CNTN4: variants seen among roughly 807,000 people sequenced by gnomAD.
CNTN4 encodes contactin-4.
In CNTN4, 77 loss-of-function variants were observed where a neutral mutation model predicts 122.5. The ratio of observed to expected loss-of-function variants is 0.63; its 90% CI spans 0.52 to 0.76. The LOEUF is 0.76. Among genes scored for constraint, CNTN4 ranks in the 30% least tolerant of loss-of-function variants. The pLI is 0.00. For synonymous variants in CNTN4, 512 were observed against 447.0 expected, an observed-to-expected ratio of 1.15 and a Z score of -1.83; for missense variants, 1,256 against 1,259.1, an observed-to-expected ratio of 1.00 and a Z score of 0.04.
At chr3:2,791,942 C>T (rs2092024867) in intron 6 of CNTN4, among the ~76,000 whole-genome samples, 2 of 152,182 alleles carry the variant, frequency 1.3e-5, no homozygotes, top group South Asian at 4.1e-4. Flanking sequence ...TTAGGGCCCA[C>T]TCAGATAATC....
At chr3:2,981,782 C>T (rs7635387) in intron 13 of CNTN4, among the ~76,000 whole-genome samples, 11,883 of 152,198 alleles carry the variant, frequency 0.078, 625 homozygotes, top group Non-Finnish European at 0.11. Flanking sequence ...TGGTGGCTCA[C>T]TCCTGGCATC....
At chr3:2,618,059 C>G (rs1317098126) in intron 4 of CNTN4, among the ~76,000 whole-genome samples, 1 of 152,146 alleles carries the variant, frequency 6.6e-6, no homozygotes, top group Non-Finnish European at 1.5e-5. Flanking sequence ...TATCCACACA[C>G]TTAGGACAGT....
At chr3:2,246,201 T>A (rs2040139820) in intron 2 of CNTN4, among the ~76,000 whole-genome samples, 2 of 152,000 alleles carry the variant, frequency 1.3e-5, no homozygotes, top group South Asian at 4.1e-4. Flanking sequence ...ATTTTGGACA[T>A]TCTCATCCTG....
At chr3:2,544,755 G>T (rs541827948) in intron 3 of CNTN4, among the ~76,000 whole-genome samples, 100 of 150,466 alleles carry the variant, frequency 6.6e-4, no homozygotes, top group African/African-American at 2.3e-3. Flanking sequence ...TTGGATCTCT[G>T]CTCTTTTTTT....
chr3:2,556,511 GT>G lies in CNTN4; in HGVS notation c.-88-14898del, dbSNP rs373966088. Among the ~76,000 whole-genome samples, 99 of 152,150 alleles carry G rather than the reference GT, an allele frequency of 6.5e-4. No individual in the cohort carries two copies. In the East Asian group the frequency reaches 0.015, roughly 24 times the overall value. ...AAGCACTTAAAAGGATGTGCAGTAGGTTTTTTTATAAACAAGTAGGGTTTTT... is the reference window on the plus strand; with the variant it reads ...AAGCACTTAAAAGGATGTGCAGTAGGTTTTTTATAAACAAGTAGGGTTTTT... On this transcript the variant is annotated intron_variant, in intron 3 of 24. Coordinates refer to ENST00000418658, the MANE Select transcript of CNTN4 (RefSeq NM_175607.3).
intron 14 of CNTN4, among the ~76,000 whole-genome samples, chr3:3,012,492 C>T (rs1019767942): frequency 2.0e-5 from 3 of 151,906 alleles, no homozygotes; most frequent in African/African-American, 7.2e-5. Flanking sequence ...CACTGTTGCC[C>T]GGGCTGGAGT....
At chr3:2,695,059 A>G (rs765039493) in intron 4 of CNTN4, among the ~76,000 whole-genome samples, 17 of 152,224 alleles carry the variant, frequency 1.1e-4, no homozygotes, top group Admixed American at 1.1e-3. Context: ...TAGTCAGTGC[A>G]TCTGTTGACT....
At chr3:2,884,579 G>A (rs901126650) in intron 9 of CNTN4, among the ~76,000 whole-genome samples, 1 of 152,094 alleles carries the variant, frequency 6.6e-6, no homozygotes, top group Admixed American at 6.6e-5. Context: ...GAGAACAAAA[G>A]CAGATTGCTA....
intron 2 of CNTN4, among the ~76,000 whole-genome samples, chr3:2,153,324 T>C (rs756558156): frequency 1.5e-4 from 23 of 151,934 alleles, no homozygotes; most frequent in Non-Finnish European, 2.5e-4. Context: ...GAGCAACCCA[T>C]GAGGAGGAAG....
chr3:2,558,428 C>T (rs976447836), intron 3 of CNTN4, among the ~76,000 whole-genome samples: 1 of 152,132 alleles, frequency 6.6e-6, no homozygotes, highest in Non-Finnish European at 1.5e-5. Flanking sequence ...TTGAAAACTA[C>T]TAGTCAATCT....
In CNTN4 at chr3:3,037,287, A is replaced by G; in HGVS notation, c.2051A>G (p.Glu684Gly). 6.2e-7 allele frequency: 1 copy of G among 1,614,064 alleles called. No individual in the cohort carries two copies. The change falls in exon 18 of 25, where the codon GAG (glutamate) becomes GGG (glycine). Residue 684 changes from glutamate (E) to glycine (G), a missense_variant. Physicochemically the swap from Glu to Gly is moderately conservative, Grantham distance 98. Transcript: ENST00000418658. The part of the protein sequence containing the change: ...TVAANVIGIG[E>G]PSRPSEKRRT... ...GCAGCCAACGTGATTGGGATTGGGG[A>G]GCCCAGCCGCCCCTCAGAGAAACGG...
At chr3:2,920,889 C>T (rs1405402870) in intron 12 of CNTN4, among the ~76,000 whole-genome samples, 1 of 152,112 alleles carries the variant, frequency 6.6e-6, no homozygotes, top group East Asian at 1.9e-4. Flanking sequence ...CATCAGGAAA[C>T]AGGGCATTCA....
intron 3 of CNTN4, among the ~76,000 whole-genome samples, chr3:2,420,920 T>C (rs1559537005): frequency 6.6e-6 from 1 of 152,222 alleles, no homozygotes; most frequent in Non-Finnish European, 1.5e-5. Context: ...AGAGAAAGAA[T>C]GTACTTCACG....
At chr3:2,773,704 G>C (rs1189209317) in intron 6 of CNTN4, among the ~76,000 whole-genome samples, 1 of 151,086 alleles carries the variant, frequency 6.6e-6, no homozygotes, top group Non-Finnish European at 1.5e-5. Flanking sequence ...TACAGGCTTA[G>C]GGGGTTACCA....
intron 3 of CNTN4, among the ~76,000 whole-genome samples, chr3:2,463,046 T>G (rs2049287240): frequency 6.6e-6 from 1 of 152,218 alleles, no homozygotes; most frequent in South Asian, 2.1e-4. Flanking sequence ...CCTTAGTCTG[T>G]GCTTTTAAGG....
At chr3:2,241,681 A>G (rs1234439519) in intron 2 of CNTN4, among the ~76,000 whole-genome samples, 1 of 152,190 alleles carries the variant, frequency 6.6e-6, no homozygotes, top group Non-Finnish European at 1.5e-5. Context: ...GACCAAACAC[A>G]TTCTCTCTGT....
At chr3:2,664,139 A>G (rs527558445) in intron 4 of CNTN4, among the ~76,000 whole-genome samples, 2 of 152,304 alleles carry the variant, frequency 1.3e-5, no homozygotes, top group East Asian at 3.9e-4. Context: ...TGAATTATAG[A>G]CTTTTTAAAT....
At chr3:2,246,098 G>T (rs534826923) in intron 2 of CNTN4, among the ~76,000 whole-genome samples, 40 of 152,012 alleles carry the variant, frequency 2.6e-4, no homozygotes, top group African/African-American at 9.6e-4. Flanking sequence ...CTCAGGTACA[G>T]ATTAAAATTT....
At chr3:2,220,369 C>A (rs919313103) in intron 2 of CNTN4, among the ~76,000 whole-genome samples, 1 of 152,100 alleles carries the variant, frequency 6.6e-6, no homozygotes, top group Non-Finnish European at 1.5e-5. Context: ...CATTTTGTAA[C>A]CCTCAGGGTA....
Sources: allele counts gnomAD v4.1 joint callset (sites outside exome capture counted in the v4.1 genomes callset), GRCh38; gene constraint gnomAD v4.1.1; transcripts MANE v1.5; gene names NCBI Gene and HGNC (gene_info 2026-07-23, HGNC 2026-07-21).